The following ABHD12 variants were observed in gnomAD, a reference collection of about 807,000 sequenced individuals.
The protein encoded by ABHD12 is lysophosphatidylserine lipase ABHD12.
ABHD12 carries 43 observed loss-of-function variants against 58.3 expected under a neutral mutation model. The ratio of observed to expected loss-of-function variants is 0.74; its 90% CI spans 0.58 to 0.95. The LOEUF is 0.95. ABHD12 is among the 40% of genes least tolerant of loss of function. The pLI, the probability that ABHD12 is intolerant of heterozygous loss-of-function variation, is 0.00. For synonymous variants in ABHD12, 219 were observed against 211.2 expected, an observed-to-expected ratio of 1.04 and a Z score of -0.32; for missense variants, 539 against 537.2, an observed-to-expected ratio of 1.00 and a Z score of -0.03.
intron 1 of ABHD12, among the ~76,000 whole-genome samples, chr20:25,385,914 C>T (rs952575286): frequency 5.9e-5 from 9 of 151,712 alleles, no homozygotes; most frequent in Admixed American, 1.3e-4. Context: ...CTGGCTAACA[C>T]GGTGAAACCC....
At chr20:25,312,785 C>G (rs1009644928) in intron 6 of ABHD12, among the ~76,000 whole-genome samples, 1 of 151,614 alleles carries the variant, frequency 6.6e-6, no homozygotes, top group Non-Finnish European at 1.5e-5. Flanking sequence ...GCGCCTCTGC[C>G]CCGCCGCCCC....
At chr20:25,316,538 G>A (rs2088965449) in intron 5 of ABHD12, among the ~76,000 whole-genome samples, 1 of 152,232 alleles carries the variant, frequency 6.6e-6, no homozygotes, top group Non-Finnish European at 1.5e-5. Flanking sequence ...GCCAATATCT[G>A]CACTTGGTCT....
At chr20:25,296,123 A>AG (rs1433961859), downstream of ABHD12, among the ~76,000 whole-genome samples, 8 of 152,102 alleles carry the variant, frequency 5.3e-5, no homozygotes, top group African/African-American at 1.9e-4. Flanking sequence ...GCCATGCCCT[A>AG]GCAGGAATTT....
At chr20:25,297,458 T>A (rs1338664580), downstream of ABHD12, 1 of 152,416 alleles carries the variant, frequency 6.6e-6, no homozygotes, top group Non-Finnish European at 1.5e-5. Flanking sequence ...CATTTCCTGT[T>A]GTACACACAA....
chr20:25,331,888 C>T (rs550073633), intron 2 of ABHD12, among the ~76,000 whole-genome samples: 3 of 152,076 alleles, frequency 2.0e-5, no homozygotes, highest in East Asian at 3.9e-4. Flanking sequence ...TAGGAAGAAA[C>T]TGCATCAACT....
At chr20:25,345,255 T>C (rs1171428371) in intron 1 of ABHD12, among the ~76,000 whole-genome samples, 1 of 152,102 alleles carries the variant, frequency 6.6e-6, no homozygotes. Context: ...CCAGCTGATT[T>C]TTTGTATTTT....
At chr20:25,359,603 T>C (rs1398274888) in intron 1 of ABHD12, among the ~76,000 whole-genome samples, 1 of 151,984 alleles carries the variant, frequency 6.6e-6, no homozygotes, top group African/African-American at 2.4e-5. Flanking sequence ...AGAATTTTGC[T>C]CTGTCGCCCA....
chr20:25,370,302 T>C (rs1319582269), intron 1 of ABHD12, among the ~76,000 whole-genome samples: 3 of 151,966 alleles, frequency 2.0e-5, no homozygotes, highest in Non-Finnish European at 4.4e-5. Flanking sequence ...ACCAAAGCAC[T>C]GGAGGTTGAA....
At position 25,323,429 on chromosome 20, in the gene ABHD12, T is replaced by C; in HGVS notation, c.318A>G (p.Val106=). 2 of 1,589,474 alleles carry C rather than the reference T, an allele frequency of 1.3e-6. No individual in the cohort carries two copies. The highest frequency in any genetic ancestry group is 1.7e-6 in the Non-Finnish European group (2 of 1,157,526). Reference sequence around the variant, plus strand: ...TCAAATCAATGAAATAGGGAACTCTTACTGTAGGAAATAAAGAGATGGAAA... The same window carrying C: ...TCAAATCAATGAAATAGGGAACTCTCACTGTAGGAAATAAAGAGATGGAAA... ...IQAKLIFLNF[V]RVPYFIDLKK... The change falls in exon 3 of 13, where the codon GTA becomes GTG. Residue 106 remains valine (V), a splice_region_variant and synonymous_variant. Transcript: ENST00000339157.
rs1349800702 is a variant in ABHD12 at position 25,312,814 on chromosome 20, G to A, written c.619+2111C>T. Among the ~76,000 whole-genome samples the A allele has an allele frequency of 1.7e-4, 26 of 149,630 alleles. No homozygotes were observed. In the South Asian group the frequency reaches 4.7e-3, roughly 27 times the overall value. ...CCGCCCCGTCTGGGATGTGAGGAGC[G>A]CCTCTGCCCGGCCGCGACCCCGTCT... On this transcript the variant is annotated intron_variant, in intron 6 of 12. Coordinates refer to ENST00000339157, the MANE Select transcript of ABHD12 (RefSeq NM_001042472.3).
intron 2 of ABHD12, among the ~76,000 whole-genome samples, chr20:25,330,751 G>A (rs1052865050): frequency 7.2e-5 from 11 of 152,114 alleles, no homozygotes; most frequent in Non-Finnish European, 1.2e-4. Flanking sequence ...GCAGCTGAGG[G>A]TCCTGTCTGT....
intron 1 of ABHD12, among the ~76,000 whole-genome samples, chr20:25,377,465 T>C (rs1351738752): frequency 1.3e-5 from 2 of 152,180 alleles, no homozygotes; most frequent in African/African-American, 2.4e-5. Context: ...AGGGGCCATA[T>C]CTGGTGAGGA....
At chr20:25,360,407 AT>A (rs2089731217) in intron 1 of ABHD12, among the ~76,000 whole-genome samples, 1 of 150,530 alleles carries the variant, frequency 6.6e-6, no homozygotes, top group African/African-American at 2.4e-5. Flanking sequence ...CGCCCGACTA[AT>A]TTTTGTATTT....
chr20:25,305,929 G>T (rs1052346287), intron 10 of ABHD12, among the ~76,000 whole-genome samples: 1 of 152,080 alleles, frequency 6.6e-6, no homozygotes, highest in African/African-American at 2.4e-5. Context: ...ACTTTGGGAG[G>T]CCAAGGCGAG....
At chr20:25,379,793 A>ATCATGGCTCACACAGTCTTGACC (rs1228334743) in intron 1 of ABHD12, among the ~76,000 whole-genome samples, 1 of 151,562 alleles carries the variant, frequency 6.6e-6, no homozygotes, top group Non-Finnish European at 1.5e-5. Flanking sequence ...CAGTGGCTTG[A>ATCATGGCTCACACAGTCTTGACC]TCATGGCTCA....
chr20:25,303,966 C>G (rs928142781), intron 10 of ABHD12, among the ~76,000 whole-genome samples: 8 of 152,218 alleles, frequency 5.3e-5, no homozygotes, highest in African/African-American at 1.9e-4. Flanking sequence ...TACTAGGAAT[C>G]TGTTGGTAAA....
chr20:25,300,079 G>A (rs775516820), downstream of ABHD12: 35 of 593,684 alleles, frequency 5.9e-5, no homozygotes, highest in Non-Finnish European at 7.4e-5. Context: ...TTTCTGAGCT[G>A]CTGGGACTAG....
At chr20:25,383,842 C>T (rs1163800185) in intron 1 of ABHD12, among the ~76,000 whole-genome samples, 1 of 150,964 alleles carries the variant, frequency 6.6e-6, no homozygotes, top group Non-Finnish European at 1.5e-5. Context: ...GTAATCCCAG[C>T]TACTCGGGAG....
At position 25,359,856 on chromosome 20, in the gene ABHD12, C is replaced by T. The variant is rs139034184; in HGVS notation, c.192-20505G>A. ...AAAGTGCTAGGATTATAGGCGTGAGCCACTGTGCCTGGCCAAGAACTTTTT... is the reference window on the plus strand; with the variant it reads ...AAAGTGCTAGGATTATAGGCGTGAGTCACTGTGCCTGGCCAAGAACTTTTT... On this transcript the variant is annotated intron_variant, in intron 1 of 12. Coordinates refer to ENST00000339157, the MANE Select transcript of ABHD12 (RefSeq NM_001042472.3). Among the ~76,000 whole-genome samples the T allele has an allele frequency of 1.4e-3, 207 of 152,318 alleles. 1 individual carries two copies. The highest frequency in any genetic ancestry group is 4.7e-3 in the African/African-American group (195 of 41,582).
Sources: gnomAD v4.1 joint callset for allele counts (sites outside exome capture counted in the v4.1 genomes callset) on GRCh38, gnomAD v4.1.1 for gene constraint, MANE v1.5 for transcripts, NCBI Gene and HGNC (gene_info 2026-07-23, HGNC 2026-07-21) for gene names.